TENM4: variants seen among roughly 807,000 people sequenced by gnomAD.
TENM4 encodes the protein teneurin-4.
Under a neutral mutation model 243.3 loss-of-function variants are expected in TENM4, and 82 were observed. That is an observed-to-expected ratio of 0.34 (90% CI 0.28 to 0.40). The LOEUF is 0.40. Among genes scored for constraint, TENM4 ranks in the 10% least tolerant of loss-of-function variants. The pLI is 1.00. For missense variants in TENM4, 3,138 were observed against 3,673.3 expected (o/e 0.85, Z 3.77); for synonymous variants, 1,412 against 1,456.3 (o/e 0.97, Z 0.69).
intron 1 of TENM4, among the ~76,000 whole-genome samples, chr11:79,431,196 T>C (rs1243269980): frequency 6.6e-6 from 1 of 152,248 alleles, no homozygotes; most frequent in Non-Finnish European, 1.5e-5. Flanking sequence ...AAATATCTAC[T>C]TTTAAAAATA....
chr11:79,282,893 G>A (rs1440163662), intron 2 of TENM4, among the ~76,000 whole-genome samples: 2 of 152,054 alleles, frequency 1.3e-5, no homozygotes, highest in Admixed American at 1.3e-4. Context: ...TAAGCACCTT[G>A]CCTGGCATAA....
chr11:78,713,863 G>C (rs902129435), intron 25 of TENM4, among the ~76,000 whole-genome samples: 1 of 152,084 alleles, frequency 6.6e-6, no homozygotes, highest in Admixed American at 6.5e-5. Context: ...AGGGCACATC[G>C]GAGTTGAACT....
chr11:78,668,998 G>C lies in TENM4; in HGVS notation c.7347C>G (p.Leu2449=), dbSNP rs910395407. ...LSSSNVMPFN[L]YMFKNNNPIS... Reference sequence around the variant, plus strand: ...TGGGGTTGTTGTTTTTGAACATATAGAGATTAAAAGGCATGACGTTGCTGC... The same window carrying C: ...TGGGGTTGTTGTTTTTGAACATATACAGATTAAAAGGCATGACGTTGCTGC... Residue 2449 remains leucine, a synonymous_variant, in exon 32 of 34, where the codon CTC becomes CTG. Coordinates refer to ENST00000278550, the MANE Select transcript of TENM4 (RefSeq NM_001098816.3). 3.1e-6 allele frequency: 5 copies of C among 1,613,954 alleles called. No homozygotes were observed. In the African/African-American group the frequency reaches 5.3e-5, roughly 17 times the overall value.
In TENM4 at chr11:79,297,021, CTG is replaced by C. The variant is rs58858942; in HGVS notation, c.-265+465_-265+466del. On this transcript the variant is annotated intron_variant, in intron 2 of 33. Coordinates refer to ENST00000278550, the MANE Select transcript of TENM4 (RefSeq NM_001098816.3). ...AAGAAAGAAAGCAGAAAGAGTGAAT[CTG>C]TGAGTTAAGTGGCTTGCCTAAGGTC... Among the ~76,000 whole-genome samples the C allele has an allele frequency of 9.8e-3, 1,496 of 152,292 alleles. 32 individuals carry two copies. The highest frequency in any genetic ancestry group is 0.035 in the African/African-American group (1,448 of 41,544).
At chr11:79,330,098 A>C (rs1857037983) in intron 1 of TENM4, among the ~76,000 whole-genome samples, 1 of 152,148 alleles carries the variant, frequency 6.6e-6, no homozygotes, top group Admixed American at 6.5e-5. Flanking sequence ...CTGTTTGCCT[A>C]TTTCCATGGT....
At chr11:78,991,927 A>G (rs941932010) in intron 6 of TENM4, among the ~76,000 whole-genome samples, 3 of 152,246 alleles carry the variant, frequency 2.0e-5, no homozygotes, top group African/African-American at 7.2e-5. Context: ...AGGAAACCCC[A>G]TTCTATTTTG....
At chr11:79,270,780 CTG>C (rs1354798253) in intron 2 of TENM4, among the ~76,000 whole-genome samples, 1 of 152,196 alleles carries the variant, frequency 6.6e-6, no homozygotes, top group Non-Finnish European at 1.5e-5. Context: ...GGCTGCCTCT[CTG>C]TGTTTCCCTT....
At chr11:79,032,067 T>C (rs563911821) in intron 6 of TENM4, among the ~76,000 whole-genome samples, 14 of 152,278 alleles carry the variant, frequency 9.2e-5, no homozygotes, top group Non-Finnish European at 1.9e-4. Flanking sequence ...CTTAGATGTA[T>C]TTTAGTCACC....
At chr11:78,923,169 C>T (rs1856481572) in intron 6 of TENM4, among the ~76,000 whole-genome samples, 1 of 152,120 alleles carries the variant, frequency 6.6e-6, no homozygotes, top group South Asian at 2.1e-4. Context: ...ACTCTTTAGT[C>T]ACCCAGAGCC....
intron 2 of TENM4, among the ~76,000 whole-genome samples, chr11:79,249,847 A>G (rs1855579433): frequency 6.6e-6 from 1 of 152,216 alleles, no homozygotes; most frequent in Non-Finnish European, 1.5e-5. Context: ...ATGTCAGGTG[A>G]CTATTCCAGT....
intron 6 of TENM4, among the ~76,000 whole-genome samples, chr11:78,906,163 G>T (rs1280365495): frequency 6.6e-6 from 1 of 152,214 alleles, no homozygotes; most frequent in Non-Finnish European, 1.5e-5. Flanking sequence ...CTATGTATTG[G>T]AGCATCTGTA....
At position 79,139,808 on chromosome 11, in the gene TENM4, A is replaced by ATAT; in HGVS notation, c.-66+8899_-66+8901dup. ...TATTATATTTATATAAATATATAAT[A>ATAT]TATATTTTATATTTATATATAATAC... On this transcript the variant is annotated intron_variant, in intron 4 of 33. Transcript: ENST00000278550. 9.6e-3 allele frequency among the ~76,000 whole-genome samples: 1,170 copies of ATAT among 121,300 alleles called. 193 individuals carry two copies. The highest frequency in any genetic ancestry group is 0.036 in the African/African-American group (1,130 of 31,036). 79.6% of individuals were successfully genotyped at this position (121,300 alleles called of 152,430 possible). A position where few individuals can be genotyped will look rare whatever the true frequency, so the allele number is the denominator to read the frequency against.
intron 12 of TENM4, among the ~76,000 whole-genome samples, chr11:78,826,078 T>G (rs1857842524): frequency 9.3e-6 from 1 of 107,922 alleles, no homozygotes; most frequent in Non-Finnish European, 1.6e-5. Flanking sequence ...TCCCCCTCCT[T>G]TTTTTTTTTT....
At chr11:79,409,060 T>TTGTGTGTG (rs559211499) in intron 1 of TENM4, among the ~76,000 whole-genome samples, 81 of 141,978 alleles carry the variant, frequency 5.7e-4, no homozygotes, top group South Asian at 1.7e-3. Context: ...GAGGGATATT[T>TTGTGTGTG]TGTGTGTGTG....
chr11:78,703,988 A>C (rs1017602276), intron 27 of TENM4, among the ~76,000 whole-genome samples: 1 of 148,716 alleles, frequency 6.7e-6, no homozygotes, highest in African/African-American at 2.5e-5. Flanking sequence ...AGTAGCTGGT[A>C]CTACAGGCAT....
intron 1 of TENM4, among the ~76,000 whole-genome samples, chr11:79,387,142 G>A (rs1284300276): frequency 6.6e-6 from 1 of 152,036 alleles, no homozygotes; most frequent in Admixed American, 6.5e-5. Context: ...AAAAGGAGCA[G>A]ACAAAAAAGA....
chr11:79,345,471 G>A (rs1344486487), intron 1 of TENM4, among the ~76,000 whole-genome samples: 3 of 152,138 alleles, frequency 2.0e-5, no homozygotes, highest in South Asian at 2.1e-4. Context: ...TGCAAGACAC[G>A]TTTCACCTAT....
intron 6 of TENM4, among the ~76,000 whole-genome samples, chr11:78,920,285 A>G (rs547092069): frequency 6.6e-6 from 1 of 152,336 alleles, no homozygotes; most frequent in South Asian, 2.1e-4. Context: ...AATGACAAAC[A>G]AGAGTAGTTT....
chr11:79,360,463 A>T (rs943580253), intron 1 of TENM4, among the ~76,000 whole-genome samples: 1 of 152,222 alleles, frequency 6.6e-6, no homozygotes, highest in African/African-American at 2.4e-5. Context: ...GTAGGAATTT[A>T]TCTTTGATCA....
Sources: gnomAD v4.1 joint callset for allele counts (sites outside exome capture counted in the v4.1 genomes callset) on GRCh38, gnomAD v4.1.1 for gene constraint, MANE v1.5 for transcripts, NCBI Gene and HGNC (gene_info 2026-07-23, HGNC 2026-07-21) for gene names.